The following MAEA variants were observed in gnomAD, a reference collection of about 807,000 sequenced individuals.
MAEA encodes the protein macrophage erythroblast attacher, E3 ubiquitin ligase, also known as E3 ubiquitin-protein transferase MAEA.
Under a neutral mutation model 46.2 loss-of-function variants are expected in MAEA, and 22 were observed. The observed-to-expected ratio is 0.48, with a 90% CI of 0.34 to 0.68. The LOEUF (loss-of-function observed/expected upper bound fraction) is 0.68. Ranked by LOEUF, MAEA falls within the 30% of genes least tolerant of loss-of-function variation. The pLI, the probability that MAEA is intolerant of heterozygous loss-of-function variation, is 0.01. For synonymous variants in MAEA, 246 were observed against 222.6 expected, an observed-to-expected ratio of 1.11 and a Z score of -0.94; for missense variants, 393 against 558.1, an observed-to-expected ratio of 0.70 and a Z score of 2.98.
chr4:1,303,110 C>G (rs76136921), intron 1 of MAEA, among the ~76,000 whole-genome samples: 13,456 of 151,044 alleles, frequency 0.089, 1,264 homozygotes, highest in East Asian at 0.42. Context: ...ATCCTCGGGC[C>G]GGGTGTGGTG....
rs1736457373 is a variant in MAEA at position 1,311,199 on chromosome 4, T to C, written c.70-780T>C. ...GTTGCTGATGCGCTGTGTGGTGAGC[T>C]GCCGGCCACCAGTGCAGCCAGGACC... On this transcript the variant is annotated intron_variant, in intron 1 of 8. Transcript: ENST00000303400. The surrounding 1 kb of genome is among the most constrained non-coding windows in gnomAD (Gnocchi z 4.4). Among the ~76,000 whole-genome samples the C allele has an allele frequency of 6.6e-6, 1 of 152,192 alleles. No individual in the cohort carries two copies. The highest frequency in any genetic ancestry group is 2.1e-4 in the South Asian group (1 of 4,832).
chr4:1,323,428 C>A, intron 4 of MAEA: 1 of 701,228 alleles, frequency 1.4e-6, no homozygotes, highest in East Asian at 2.7e-5. Context: ...GCTGCTTTAA[C>A]CTCACCCTGG....
chr4:1,322,442 G>A lies in MAEA; in HGVS notation c.518G>A (p.Arg173His), dbSNP rs146201254. ...AKEVEESLER[R>H]ETATCLAWCH... Reference sequence around the variant, plus strand: ...GAGGTGGAGGAGTCCCTGGAGAGGCGTGAGACGGCCACCTGCCTGGCCTGG... The same window carrying A: ...GAGGTGGAGGAGTCCCTGGAGAGGCATGAGACGGCCACCTGCCTGGCCTGG... The change falls in exon 4 of 9, where the codon CGT becomes CAT. Residue 173 changes from arginine to histidine, a missense_variant. Transcript: ENST00000303400. 1.9e-5 allele frequency: 30 copies of A among 1,614,060 alleles called. No homozygotes were observed. The highest frequency in any genetic ancestry group is 4.0e-5 in the African/African-American group (3 of 75,056).
rs541793597 is a variant in MAEA, at chr4:1,297,016, C to A, written c.69+7034C>A. 7.2e-5 allele frequency among the ~76,000 whole-genome samples: 11 copies of A among 152,356 alleles called. No individual in the cohort carries two copies. The South Asian group carries it at 2.3e-3, about 32-fold the overall frequency. ...ACTGCTGCCCTCCCCAGGCCTCTCT[C>A]CCTGAGGCCATCCCGTGTAGTCACC... On this transcript the variant is annotated intron_variant, in intron 1 of 8. Coordinates refer to ENST00000303400, the MANE Select transcript of MAEA (RefSeq NM_001017405.3).
intron 1 of MAEA, among the ~76,000 whole-genome samples, chr4:1,303,068 C>T (rs893416494): frequency 6.6e-6 from 1 of 151,702 alleles, no homozygotes; most frequent in Non-Finnish European, 1.5e-5. Flanking sequence ...CTCAGCTTAT[C>T]CCCAAGACCA....
intron 2 of MAEA, among the ~76,000 whole-genome samples, chr4:1,312,941 G>A: frequency 6.6e-6 from 1 of 152,204 alleles, no homozygotes; most frequent in East Asian, 1.9e-4. Flanking sequence ...AGGGGTCAGA[G>A]GTGAGCAGCA....
chr4:1,309,260 T>C (rs1228346660), intron 1 of MAEA, among the ~76,000 whole-genome samples: 1 of 152,228 alleles, frequency 6.6e-6, no homozygotes, highest in Non-Finnish European at 1.5e-5. Flanking sequence ...TGAGTGATAA[T>C]TTGGCTCGAG....
chr4:1,300,428 C>G (rs1236382943), intron 1 of MAEA, among the ~76,000 whole-genome samples: 1 of 152,220 alleles, frequency 6.6e-6, no homozygotes, highest in African/African-American at 2.4e-5. Flanking sequence ...CAGCTGGCTC[C>G]CTTTGAAATA....
intron 7 of MAEA, 103 bp from the exon 8 acceptor site, chr4:1,338,319 A>T: frequency 1.1e-6 from 1 of 885,208 alleles, no homozygotes; most frequent in Non-Finnish European, 1.7e-6. Context: ...TGGCGCCCAC[A>T]TAGCCAGAAG....
chr4:1,312,237 A>T, intron 2 of MAEA, 76 bp downstream of exon 2: 2 of 1,559,824 alleles, frequency 1.3e-6, no homozygotes, highest in Non-Finnish European at 1.7e-6. Flanking sequence ...GTCCTAAGAC[A>T]GGCAAGCTGC....
rs555755389 is a variant in MAEA at position 1,293,604 on chromosome 4, C to T, written c.69+3622C>T. 4.6e-5 allele frequency among the ~76,000 whole-genome samples: 7 copies of T among 152,316 alleles called. No homozygotes were observed. The East Asian group carries it at 9.7e-4, about 21-fold the overall frequency. On this transcript the variant is annotated intron_variant, in intron 1 of 8. Coordinates refer to ENST00000303400, the MANE Select transcript of MAEA (RefSeq NM_001017405.3). ...GGAGACCCTGGTCTGGACCTGGCTC[C>T]TCTCTGTGAACCCCACCTGGGCCCA...
Position 1,338,576 on chromosome 4 carries a change from C to T in MAEA, c.1054C>T (p.Pro352Ser). ...ISGDVMNENN[P>S]PMMLPNGYVY... ...TGGCGACGTGATGAACGAGAACAAT[C>T]CGCCCATGATGCTGCCCAACGGCTA... The change falls in exon 8 of 9, where the codon CCG becomes TCG. Residue 352 changes from proline to serine, a missense_variant. Pro to Ser is a moderately conservative substitution (Grantham distance 74, BLOSUM62 -1). Coordinates refer to ENST00000303400, the MANE Select transcript of MAEA (RefSeq NM_001017405.3). The T allele has an allele frequency of 6.2e-7, 1 of 1,613,010 alleles. No individual in the cohort carries two copies. The highest frequency in any genetic ancestry group is 1.1e-5 in the South Asian group (1 of 91,042).
rs1179116952 is a variant in MAEA, at chr4:1,309,701, A to C, written c.70-2278A>C. ...GGTGGGGTCTTCCAGTTGTGAAGAC[A>C]CCGTGGCCCCGGTGAGCCCCTCCCC... On this transcript the variant is annotated intron_variant, in intron 1 of 8. Transcript: ENST00000303400. 13 of 1,528,812 alleles carry C rather than the reference A, an allele frequency of 8.5e-6. No homozygotes were observed. In the Admixed American group the frequency reaches 2.6e-4, roughly 30 times the overall value. 94.7% of individuals were successfully genotyped at this position (1,528,812 alleles called of 1,614,324 possible). A position where few individuals can be genotyped will look rare whatever the true frequency, so the allele number is the denominator to read the frequency against.
At position 1,315,492 on chromosome 4, in the gene MAEA, G is replaced by A. The variant is rs144924610; in HGVS notation, c.348G>A (p.Ala116=). The A allele has an allele frequency of 7.4e-6, 12 of 1,613,880 alleles. No homozygotes were observed. Among genetic ancestry groups the A allele is most frequent in the Admixed American group, 3.3e-5 (2 of 60,024 alleles). The change falls in exon 3 of 9, where the codon GCG becomes GCA. Residue 116 remains alanine, a synonymous_variant. Coordinates refer to ENST00000303400, the MANE Select transcript of MAEA (RefSeq NM_001017405.3). ...AGCATAGCAGCGACCAGCCCGCGGC[G>A]GCCAGCGTGTGGAAGAGGAAGCGCA... ...LKEHSSDQPA[A]ASVWKRKRMD...
At chr4:1,305,336 G>T (rs1577151141) in intron 1 of MAEA, among the ~76,000 whole-genome samples, 1 of 152,174 alleles carries the variant, frequency 6.6e-6, no homozygotes, top group Non-Finnish European at 1.5e-5. Context: ...AGTGGAGCCT[G>T]CTTGTGCTGC....
chr4:1,298,262 C>T (rs563133451), intron 1 of MAEA: 26 of 366,120 alleles, frequency 7.1e-5, no homozygotes, highest in Middle Eastern at 1.0e-3. Context: ...ATTTGTGCCC[C>T]GCCCAAGGCC....
chr4:1,304,082 C>T (rs1218537452), intron 1 of MAEA, among the ~76,000 whole-genome samples: 1 of 152,050 alleles, frequency 6.6e-6, no homozygotes, highest in African/African-American at 2.4e-5. Flanking sequence ...CCGTCAAACC[C>T]CACGCACCCT....
rs576428298 is a variant in MAEA at position 1,301,775 on chromosome 4, G to A, written c.70-10204G>A. Among the ~76,000 whole-genome samples, 18 of 152,254 alleles carry A rather than the reference G, an allele frequency of 1.2e-4. No individual in the cohort carries two copies. The East Asian group carries it at 3.1e-3, about 26-fold the overall frequency. On this transcript the variant is annotated intron_variant, in intron 1 of 8. Coordinates refer to ENST00000303400, the MANE Select transcript of MAEA (RefSeq NM_001017405.3). ...AGGGACACAGACAAAATGTGTAGAA[G>A]GAAAAAAGTGTTAGGTTGAATCATA...
At chr4:1,338,375 C>G (rs777144984) in intron 7 of MAEA, 47 bp from the exon 8 acceptor site, 1 of 1,526,760 alleles carries the variant, frequency 6.5e-7, no homozygotes. Context: ...TGGGCTCACC[C>G]CGGCTGCCCT....
Sources: allele counts gnomAD v4.1 joint callset (sites outside exome capture counted in the v4.1 genomes callset), GRCh38; gene constraint gnomAD v4.1.1; non-coding constraint Gnocchi (gnomAD v3.1); transcripts MANE v1.5; gene names NCBI Gene and HGNC (gene_info 2026-07-23, HGNC 2026-07-21).